CA10: variants seen among roughly 807,000 people sequenced by gnomAD.
CA10 encodes the protein carbonic anhydrase-related protein 10.
CA10 carries 14 observed loss-of-function variants against 44.2 expected under a neutral mutation model. That is an observed-to-expected ratio of 0.32 (90% CI 0.21 to 0.50). The LOEUF is 0.50. Among genes scored for constraint, CA10 ranks in the 20% least tolerant of loss-of-function variants. The pLI is 0.99. For synonymous variants in CA10, 159 were observed against 141.6 expected (o/e 1.12, Z -0.87); for missense variants, 350 against 409.7 (o/e 0.85, Z 1.26).
chr17:51,871,713 G>T (rs1005499551), intron 3 of CA10, among the ~76,000 whole-genome samples: 120 of 147,496 alleles, frequency 8.1e-4, no homozygotes, highest in African/African-American at 2.6e-3. Flanking sequence ...TTTTTTTTTT[G>T]AGTGTACTTT....
At chr17:52,056,985 C>T (rs999433547) in intron 2 of CA10, among the ~76,000 whole-genome samples, 4 of 152,174 alleles carry the variant, frequency 2.6e-5, no homozygotes, top group Non-Finnish European at 5.9e-5. Flanking sequence ...ATTAGAGACA[C>T]GACTTGGCCT....
chr17:51,675,436 T>C (rs972796914), intron 4 of CA10, among the ~76,000 whole-genome samples: 7 of 151,700 alleles, frequency 4.6e-5, no homozygotes, highest in Admixed American at 3.9e-4. Flanking sequence ...GCTGGGTGCC[T>C]GTAGTCCCAG....
At chr17:52,092,516 G>A (rs1187017027) in intron 1 of CA10, among the ~76,000 whole-genome samples, 1 of 152,128 alleles carries the variant, frequency 6.6e-6, no homozygotes, top group Non-Finnish European at 1.5e-5. Context: ...TGCTTGCAGA[G>A]TGCACCTTCT....
intron 3 of CA10, chr17:51,761,295 A>G (rs1905210962): frequency 6.6e-6 from 1 of 152,134 alleles, no homozygotes; most frequent in Admixed American, 6.5e-5. Flanking sequence ...TTATGGGCCA[A>G]CCACCCTGGG....
intron 3 of CA10, among the ~76,000 whole-genome samples, chr17:51,858,535 A>G (rs1979155134): frequency 6.6e-6 from 1 of 152,214 alleles, no homozygotes; most frequent in Non-Finnish European, 1.5e-5. Context: ...AGGGGTATAT[A>G]AAAGTTGTTT....
chr17:51,981,699 T>C (rs1430540856), intron 2 of CA10, among the ~76,000 whole-genome samples: 1 of 152,080 alleles, frequency 6.6e-6, no homozygotes, highest in Admixed American at 6.6e-5. Context: ...ACCCATGTGA[T>C]TAGTAATAAA....
chr17:51,685,208 G>A (rs1914968761), intron 4 of CA10, among the ~76,000 whole-genome samples: 9 of 152,160 alleles, frequency 5.9e-5, no homozygotes, highest in Admixed American at 5.9e-4. Context: ...TGCTGTGAAC[G>A]GTTTATTATT....
chr17:52,105,751 C>A (rs1000274991), intron 1 of CA10, among the ~76,000 whole-genome samples: 1 of 152,196 alleles, frequency 6.6e-6, no homozygotes, highest in Non-Finnish European at 1.5e-5. Context: ...TTATTGAGCC[C>A]TTCCTTATTG....
At chr17:51,916,543 G>T (rs538342069) in intron 3 of CA10, among the ~76,000 whole-genome samples, 6 of 152,124 alleles carry the variant, frequency 3.9e-5, no homozygotes, top group Non-Finnish European at 7.3e-5. Flanking sequence ...GAGTTTCCCT[G>T]CACAAATTCT....
At chr17:51,794,019 T>A (rs1412942420) in intron 3 of CA10, among the ~76,000 whole-genome samples, 1 of 152,190 alleles carries the variant, frequency 6.6e-6, no homozygotes, top group African/African-American at 2.4e-5. Context: ...AGTCAACAGA[T>A]GCCAGGTAGG....
intron 1 of CA10, among the ~76,000 whole-genome samples, chr17:52,152,627 A>T (rs1273696285): frequency 1.3e-5 from 2 of 152,108 alleles, no homozygotes; most frequent in South Asian, 4.1e-4. Flanking sequence ...ACAACTTTGC[A>T]TTTATAATAA....
At chr17:51,644,437 C>T (rs1913235669) in intron 6 of CA10, among the ~76,000 whole-genome samples, 1 of 152,000 alleles carries the variant, frequency 6.6e-6, no homozygotes, top group Non-Finnish European at 1.5e-5. Flanking sequence ...ACATGTCCCG[C>T]CTCTCTTCTC....
chr17:52,058,290 G>A lies in CA10; in HGVS notation c.136+14029C>T, dbSNP rs561307484. ...AAGCAAAATTATAATAATAAAAATC[G>A]TAATATCTTTGTATACTTTCATAGT... On this transcript the variant is annotated intron_variant, in intron 2 of 8. Coordinates refer to ENST00000451037, the MANE Select transcript of CA10 (RefSeq NM_020178.5). Among the ~76,000 whole-genome samples the A allele has an allele frequency of 5.1e-4, 77 of 152,166 alleles. 2 individuals are homozygous for A. The highest frequency in any genetic ancestry group is 4.9e-4 in the Non-Finnish European group (33 of 67,988).
chr17:51,656,479 A>G (rs1913798446), intron 4 of CA10, among the ~76,000 whole-genome samples: 1 of 152,242 alleles, frequency 6.6e-6, no homozygotes, highest in East Asian at 1.9e-4. Flanking sequence ...TGATATCAGG[A>G]GCTTTGGTTT....
At chr17:52,072,668 A>C (rs1987711452) in intron 1 of CA10, among the ~76,000 whole-genome samples, 1 of 116,744 alleles carries the variant, frequency 8.6e-6, no homozygotes, top group African/African-American at 3.8e-5. Context: ...TGTCCTCATC[A>C]TCTTCCCCAT....
intron 4 of CA10, among the ~76,000 whole-genome samples, chr17:51,717,727 A>G (rs1407069229): frequency 0.065 from 2,153 of 33,358 alleles, 339 homozygotes; most frequent in Non-Finnish European, 0.096. Context: ...ACGTATATAT[A>G]CATATATACG....
At chr17:51,665,190 G>T (rs1371366746) in intron 4 of CA10, among the ~76,000 whole-genome samples, 1 of 152,182 alleles carries the variant, frequency 6.6e-6, no homozygotes, top group Non-Finnish European at 1.5e-5. Flanking sequence ...AACTAGGCTT[G>T]GTTTTGTACA....
At chr17:51,776,705 G>A (rs1329829340) in intron 3 of CA10, among the ~76,000 whole-genome samples, 1 of 152,164 alleles carries the variant, frequency 6.6e-6, no homozygotes, top group Non-Finnish European at 1.5e-5. Flanking sequence ...ACTGAACTGA[G>A]TATCTGTTTT....
intron 1 of CA10, among the ~76,000 whole-genome samples, chr17:52,097,892 T>C (rs1397372455): frequency 6.6e-6 from 1 of 152,200 alleles, no homozygotes; most frequent in Non-Finnish European, 1.5e-5. Context: ...TTTATTAAAA[T>C]AGACATTTCT....
Sources: gnomAD v4.1 joint callset for allele counts (sites outside exome capture counted in the v4.1 genomes callset) on GRCh38, gnomAD v4.1.1 for gene constraint, MANE v1.5 for transcripts, NCBI Gene and HGNC (gene_info 2026-07-23, HGNC 2026-07-21) for gene names.